Variants in KCNIP3 observed in about 807,000 individuals in gnomAD.
KCNIP3 encodes potassium voltage-gated channel interacting protein 3, also known as calsenilin.
KCNIP3 carries 28 observed loss-of-function variants against 35.0 expected under a neutral mutation model. The observed-to-expected ratio is 0.80, with a 90% CI of 0.59 to 1.10. The LOEUF (loss-of-function observed/expected upper bound fraction) is 1.10, where lower values mean the gene tolerates loss of function less well. KCNIP3 is among the 50% of genes least tolerant of loss of function. The pLI is 0.00. For missense variants in KCNIP3, 295 were observed against 338.4 expected (o/e 0.87, Z 1.01); for synonymous variants, 134 against 133.8 (o/e 1.00, Z -0.01).
chr2:95,297,912 G>T (rs1386137322), intron 1 of KCNIP3, among the ~76,000 whole-genome samples: 1 of 152,166 alleles, frequency 6.6e-6, no homozygotes, highest in African/African-American at 2.4e-5. Context: ...TGTGCTTGGA[G>T]GTTGGTCAAT....
intron 2 of KCNIP3, among the ~76,000 whole-genome samples, chr2:95,319,666 G>C (rs1678539594): frequency 6.6e-6 from 1 of 152,184 alleles, no homozygotes; most frequent in African/African-American, 2.4e-5. Flanking sequence ...CTCCTCCGCT[G>C]GGTGGCCCAG....
intron 2 of KCNIP3, among the ~76,000 whole-genome samples, chr2:95,321,869 A>C (rs1678606289): frequency 6.6e-6 from 1 of 152,082 alleles, no homozygotes; most frequent in Admixed American, 6.5e-5. Context: ...CGTGCAGCTT[A>C]GTTCTGCCCC....
intron 1 of KCNIP3, among the ~76,000 whole-genome samples, chr2:95,301,641 T>C (rs1678033516): frequency 6.6e-6 from 1 of 152,208 alleles, no homozygotes; most frequent in African/African-American, 2.4e-5. Flanking sequence ...GGAATACCTA[T>C]GCCATCCCTT....
chr2:95,373,635 G>A (rs1475131149), intron 2 of KCNIP3, among the ~76,000 whole-genome samples: 1 of 152,088 alleles, frequency 6.6e-6, no homozygotes, highest in Non-Finnish European at 1.5e-5. Context: ...TGTTAGCCAG[G>A]ATGGTCTCGA....
chr2:95,341,680 A>T (rs1183610428), intron 2 of KCNIP3, among the ~76,000 whole-genome samples: 12 of 152,202 alleles, frequency 7.9e-5, no homozygotes, highest in African/African-American at 1.2e-4. Flanking sequence ...CAAGTCCATG[A>T]ACAGGCTAGG....
intron 1 of KCNIP3, among the ~76,000 whole-genome samples, chr2:95,305,728 T>A (rs1273844014): frequency 1.3e-5 from 2 of 152,228 alleles, no homozygotes; most frequent in Non-Finnish European, 2.9e-5. Context: ...TTTACAATGT[T>A]ATATAAATAG....
rs58903840 is a variant in KCNIP3 at position 95,384,169 on chromosome 2, T to TACACACAC, written c.*150_*157dup. The TACACACAC allele has an allele frequency of 0.049, 24,916 of 510,694 alleles. 417 individuals carry two copies. The highest frequency in any genetic ancestry group is 0.06 in the Non-Finnish European group (16,515 of 277,464). The allele number at this position is 510,694 out of a possible 1,614,324, so 31.6% of individuals were successfully genotyped here. On this transcript the variant is annotated 3_prime_UTR_variant, in exon 9 of 9. Transcript: ENST00000295225. The stretch of plus-strand genomic sequence containing the variant: ...GATTTGCAAAAAGTGAACAGATTGC[T>TACACACAC]ACACACACACACACACACACACACA...
intron 2 of KCNIP3, among the ~76,000 whole-genome samples, chr2:95,360,699 T>A (rs1283058942): frequency 6.6e-6 from 1 of 152,152 alleles, no homozygotes; most frequent in African/African-American, 2.4e-5. Flanking sequence ...GGGGATGGCC[T>A]TCTTACTGAA....
chr2:95,300,949 C>A (rs1486872199), intron 1 of KCNIP3, among the ~76,000 whole-genome samples: 1 of 152,204 alleles, frequency 6.6e-6, no homozygotes, highest in East Asian at 1.9e-4. Context: ...CACCTCCCAG[C>A]CTGCCCAACG....
intron 1 of KCNIP3, chr2:95,299,028 C>T (rs553154076): frequency 6.6e-6 from 1 of 152,458 alleles, no homozygotes; most frequent in East Asian, 1.9e-4. Flanking sequence ...CGGGCCTTAA[C>T]TGCCAAAGGT....
chr2:95,334,099 C>A (rs765672753), intron 2 of KCNIP3, among the ~76,000 whole-genome samples: 2 of 152,290 alleles, frequency 1.3e-5, no homozygotes, highest in South Asian at 4.1e-4. Flanking sequence ...AGATCACCAG[C>A]GAGGATGTGA....
chr2:95,326,794 C>T (rs928565139), intron 2 of KCNIP3, among the ~76,000 whole-genome samples: 5 of 152,220 alleles, frequency 3.3e-5, no homozygotes, highest in Non-Finnish European at 7.3e-5. Context: ...CCTACAGGGC[C>T]CCGTGGGACC....
In KCNIP3 at chr2:95,333,013, C is replaced by T. The variant is rs149331552; in HGVS notation, c.181+22493C>T. Among the ~76,000 whole-genome samples the T allele has an allele frequency of 6.0e-3, 597 of 100,304 alleles. 3 individuals are homozygous for T. The highest frequency in any genetic ancestry group is 0.024 in the South Asian group (59 of 2,456). 65.8% of individuals were successfully genotyped at this position (100,304 alleles called of 152,430 possible). ...TGTGAATGTGAAATGCCCTGTCTCG[C>T]GTGAGTTCTGTGACAGCCTCTGCTG... On this transcript the variant is annotated intron_variant, in intron 2 of 8. Transcript: ENST00000295225.
At chr2:95,321,032 C>T (rs1262497724) in intron 2 of KCNIP3, among the ~76,000 whole-genome samples, 1 of 139,868 alleles carries the variant, frequency 7.1e-6, no homozygotes, top group African/African-American at 2.9e-5. Flanking sequence ...CTCTCCTCCC[C>T]ACACCCCCAG....
chr2:95,373,080 C>T (rs1196834720), intron 2 of KCNIP3, among the ~76,000 whole-genome samples: 1 of 152,184 alleles, frequency 6.6e-6, no homozygotes, highest in African/African-American at 2.4e-5. Flanking sequence ...GTGGGAGAGG[C>T]AGCAGCCAGC....
rs2104313803 is a variant in KCNIP3 at position 95,385,529 on chromosome 2, T to C, written c.*1480T>C. 1 of 152,924 alleles carries C rather than the reference T, an allele frequency of 6.5e-6. No homozygotes were observed. The highest frequency in any genetic ancestry group is 1.5e-5 in the Non-Finnish European group (1 of 68,232). 9.5% of individuals were successfully genotyped at this position (152,924 alleles called of 1,614,324 possible). On this transcript the variant is annotated 3_prime_UTR_variant, in exon 9 of 9. Transcript: ENST00000295225. ...TGGCCCCTCCAGGAACATTCCCACA[T>C]AATACATTCCATCACAGCCAGCCCA...
At chr2:95,322,793 G>A (rs1678629253) in intron 2 of KCNIP3, among the ~76,000 whole-genome samples, 1 of 152,216 alleles carries the variant, frequency 6.6e-6, no homozygotes, top group African/African-American at 2.4e-5. Context: ...CTGTTCACGG[G>A]ACGGGGCCTG....
intron 2 of KCNIP3, among the ~76,000 whole-genome samples, chr2:95,358,805 G>T (rs533028603): frequency 6.6e-6 from 1 of 152,336 alleles, no homozygotes; most frequent in South Asian, 2.1e-4. Context: ...TCATTCATGA[G>T]GGCAGAGCCC....
chr2:95,346,090 C>G (rs6750542), intron 2 of KCNIP3, among the ~76,000 whole-genome samples: 117,281 of 152,246 alleles, frequency 0.77, 45,653 homozygotes, highest in African/African-American at 0.86. Context: ...AGTGCACGCG[C>G]GTTTCCAGAA....
Sources: gnomAD v4.1 joint callset for allele counts (sites outside exome capture counted in the v4.1 genomes callset) on GRCh38, gnomAD v4.1.1 for gene constraint, MANE v1.5 for transcripts, NCBI Gene and HGNC (gene_info 2026-07-23, HGNC 2026-07-21) for gene names.